KCNMA1: variants seen among roughly 807,000 people sequenced by gnomAD.
KCNMA1 encodes the protein potassium calcium-activated channel subfamily M alpha 1.
A neutral mutation model predicts 140.0 loss-of-function variants in KCNMA1; 29 were observed. That is an observed-to-expected ratio of 0.21 (90% confidence interval 0.15 to 0.28). KCNMA1 has a LOEUF of 0.28. KCNMA1 is among the 10% of genes least tolerant of loss of function. The probability of loss-of-function intolerance (pLI) is 1.00; values close to 1 mark genes in which losing one functional copy is unlikely to be tolerated. For missense variants in KCNMA1, 880 were observed against 1,602.2 expected, an observed-to-expected ratio of 0.55 and a Z score of 7.70; for synonymous variants, 612 against 611.9, an observed-to-expected ratio of 1.00 and a Z score of 0.00.
chr10:77,323,123 G>A (rs1031001032), intron 2 of KCNMA1, among the ~76,000 whole-genome samples: 2 of 152,170 alleles, frequency 1.3e-5, no homozygotes, highest in African/African-American at 4.8e-5. Flanking sequence ...ATGTGGCCTT[G>A]ATATTCCCAT....
At position 76,877,948 on chromosome 10, in the gene KCNMA1, C is replaced by A. The variant is rs139735435; in HGVS notation, c.3428-58G>T. The A allele has an allele frequency of 2.7e-5, 42 of 1,538,916 alleles. No homozygotes were observed. In the African/African-American group the frequency reaches 4.1e-4, roughly 15 times the overall value. ...AGGAGAAATGAGAAGTTTAATTAGTCCTAGGGTAAAGCCTTTGGAAAGTTC... is the reference window on the plus strand; with the variant it reads ...AGGAGAAATGAGAAGTTTAATTAGTACTAGGGTAAAGCCTTTGGAAAGTTC... On this transcript the variant is annotated intron_variant, in intron 29 of 29. Coordinates refer to the KCNMA1 transcript ENST00000372403.
In KCNMA1 at chr10:77,190,799, G is replaced by A. The variant is rs114505875; in HGVS notation, c.603-5883C>T. On this transcript the variant is annotated intron_variant, in intron 3 of 27. Transcript: ENST00000286628. The stretch of plus-strand genomic sequence containing the variant: ...TGGTATCAGGAAGACTGATCCCATC[G>A]GCTGAGGGGAAGTTCTTCTGCTTAT... 6.5e-3 allele frequency among the ~76,000 whole-genome samples: 988 copies of A among 152,122 alleles called. 15 individuals are homozygous for A. Among genetic ancestry groups the A allele is most frequent in the African/African-American group, 0.023 (952 of 41,512 alleles).
chr10:77,329,569 C>G (rs993651305), intron 2 of KCNMA1, among the ~76,000 whole-genome samples: 1 of 152,204 alleles, frequency 6.6e-6, no homozygotes, highest in Admixed American at 6.5e-5. Context: ...GTTTTTGTGT[C>G]AACCACACAG....
chr10:77,536,974 A>G (rs2059032774), intron 1 of KCNMA1, among the ~76,000 whole-genome samples: 1 of 152,248 alleles, frequency 6.6e-6, no homozygotes, highest in Admixed American at 6.5e-5. Flanking sequence ...AGTGATTTGC[A>G]GGACCTTGTA....
intron 18 of KCNMA1, among the ~76,000 whole-genome samples, chr10:77,011,164 G>T (rs1341952225): frequency 6.6e-6 from 1 of 152,168 alleles, no homozygotes; most frequent in East Asian, 1.9e-4. Context: ...TTCAAGGGTT[G>T]AGAACAATTT....
intron 1 of KCNMA1, among the ~76,000 whole-genome samples, chr10:77,575,312 G>A (rs1234432716): frequency 6.6e-6 from 1 of 152,184 alleles, no homozygotes; most frequent in Non-Finnish European, 1.5e-5. Context: ...CACAAGAGGA[G>A]GAGAATGCAT....
chr10:77,564,392 G>T (rs1342323095), intron 1 of KCNMA1, among the ~76,000 whole-genome samples: 1 of 152,088 alleles, frequency 6.6e-6, no homozygotes, highest in Non-Finnish European at 1.5e-5. Flanking sequence ...GGGCAATATG[G>T]TGAAACCCCA....
chr10:77,634,815 A>ACAC, intron 1 of KCNMA1: 3 of 174,056 alleles, frequency 1.7e-5, no homozygotes, highest in Non-Finnish European at 2.2e-5. Context: ...ACACACACAC[A>ACAC]ATTGCAATAA....
intron 1 of KCNMA1, among the ~76,000 whole-genome samples, chr10:77,499,747 A>C (rs958107038): frequency 3.3e-5 from 5 of 152,204 alleles, no homozygotes; most frequent in African/African-American, 1.2e-4. Flanking sequence ...ACAACAGGAG[A>C]TGTCCATGGT....
chr10:77,377,670 T>C (rs763027085), intron 2 of KCNMA1, among the ~76,000 whole-genome samples: 4 of 152,174 alleles, frequency 2.6e-5, no homozygotes, highest in Non-Finnish European at 5.9e-5. Context: ...TTTCAGTTAG[T>C]GTACACAGAG....
At chr10:77,237,612 C>A (rs1277891493) in intron 3 of KCNMA1, among the ~76,000 whole-genome samples, 1 of 152,150 alleles carries the variant, frequency 6.6e-6, no homozygotes, top group Non-Finnish European at 1.5e-5. Context: ...CACATACCAC[C>A]ATGACCAGCT....
chr10:77,054,397 C>T (rs74140273), intron 14 of KCNMA1, among the ~76,000 whole-genome samples: 2,168 of 152,192 alleles, frequency 0.014, 75 homozygotes, highest in African/African-American at 0.049. Flanking sequence ...AGCAATGCCA[C>T]AGGTATGGGG....
At chr10:77,247,964 A>G (rs2058914113) in intron 3 of KCNMA1, among the ~76,000 whole-genome samples, 1 of 152,078 alleles carries the variant, frequency 6.6e-6, no homozygotes, top group African/African-American at 2.4e-5. Context: ...CCTCACAACC[A>G]CCCTAGGTTC....
intron 1 of KCNMA1, among the ~76,000 whole-genome samples, chr10:77,572,605 A>ATATATATATATAT (rs2072036710): frequency 2.4e-5 from 1 of 41,848 alleles, no homozygotes; most frequent in Non-Finnish European, 4.7e-5. Flanking sequence ...TATATATATA[A>ATATATATATATAT]ATTAGCTGGG....
intron 19 of KCNMA1, chr10:76,974,564 G>T (rs1285204534): frequency 2.6e-6 from 4 of 1,545,614 alleles, no homozygotes; most frequent in Non-Finnish European, 3.5e-6. Context: ...TGATCTAGCT[G>T]CAACCTTGAC....
intron 2 of KCNMA1, among the ~76,000 whole-genome samples, chr10:77,386,999 G>A (rs1160382454): frequency 2.0e-5 from 3 of 152,204 alleles, no homozygotes; most frequent in African/African-American, 4.8e-5. Flanking sequence ...GGGGCACAGG[G>A]AAAGGCATCT....
intron 9 of KCNMA1, among the ~76,000 whole-genome samples, chr10:77,104,295 C>A (rs1421017145): frequency 2.0e-5 from 3 of 152,166 alleles, no homozygotes; most frequent in Non-Finnish European, 4.4e-5. Context: ...GGCAAATGTT[C>A]CAAGAGAAGC....
intron 3 of KCNMA1, among the ~76,000 whole-genome samples, chr10:77,229,778 GCAAA>G (rs1228823530): frequency 3.3e-5 from 5 of 152,118 alleles, no homozygotes; most frequent in East Asian, 3.9e-4. Flanking sequence ...CACACACAAA[GCAAA>G]CAAACAAAAA....
intron 2 of KCNMA1, among the ~76,000 whole-genome samples, chr10:77,281,205 C>T (rs1314359870): frequency 6.6e-6 from 1 of 152,186 alleles, no homozygotes; most frequent in African/African-American, 2.4e-5. Context: ...GATCCAGGAC[C>T]TGAGCCCTGG....
Sources: allele counts gnomAD v4.1 joint callset (sites outside exome capture counted in the v4.1 genomes callset), GRCh38; gene constraint gnomAD v4.1.1; transcripts MANE v1.5; gene names NCBI Gene and HGNC (gene_info 2026-07-23, HGNC 2026-07-21).